The following PPARGC1A variants were observed in gnomAD, a reference collection of about 807,000 sequenced individuals.
PPARGC1A encodes peroxisome proliferator-activated receptor gamma coactivator 1-alpha.
In PPARGC1A, 25 loss-of-function variants were observed where a neutral mutation model predicts 88.7. The ratio of observed to expected loss-of-function variants is 0.28; its 90% CI spans 0.21 to 0.39. PPARGC1A has a LOEUF of 0.39. PPARGC1A is among the 10% of genes least tolerant of loss of function. The pLI is 1.00. For missense variants in PPARGC1A, 880 were observed against 968.7 expected (o/e 0.91, Z 1.22); for synonymous variants, 363 against 355.6 (o/e 1.02, Z -0.24).
the PPARGC1A span, among the ~76,000 whole-genome samples, chr4:24,318,147 T>C: frequency 2.0e-5 from 3 of 152,168 alleles, no homozygotes; most frequent in African/African-American, 4.8e-5. Flanking sequence ...ATTTGTCAAA[T>C]GAAGTACAGT....
chr4:24,202,810 T>A, the PPARGC1A span, among the ~76,000 whole-genome samples: 1 of 152,130 alleles, frequency 6.6e-6, no homozygotes, highest in Non-Finnish European at 1.5e-5. Context: ...CCTGGCAACA[T>A]GAACTCTCCT....
chr4:23,858,307 C>T (rs1020353826), intron 2 of PPARGC1A, among the ~76,000 whole-genome samples: 4 of 152,128 alleles, frequency 2.6e-5, no homozygotes, highest in African/African-American at 9.7e-5. Context: ...CCCTGGTTCA[C>T]TACTATATTC....
the PPARGC1A span, among the ~76,000 whole-genome samples, chr4:23,936,991 T>G: frequency 6.6e-6 from 1 of 151,916 alleles, no homozygotes; most frequent in Non-Finnish European, 1.5e-5. Flanking sequence ...TTCTAGAAAA[T>G]GCTCAGAAAT....
chr4:24,347,710 T>A, the PPARGC1A span, among the ~76,000 whole-genome samples: 17 of 152,336 alleles, frequency 1.1e-4, no homozygotes, highest in Non-Finnish European at 1.9e-4. Flanking sequence ...TTACCCATCC[T>A]GCAGTTCTGT....
At chr4:24,255,405 T>G in the PPARGC1A span, among the ~76,000 whole-genome samples, 1 of 152,198 alleles carries the variant, frequency 6.6e-6, no homozygotes, top group Non-Finnish European at 1.5e-5. Context: ...CTCCCTATAT[T>G]CTGAAATAGG....
the PPARGC1A span, among the ~76,000 whole-genome samples, chr4:24,466,906 A>AGGAAGGAAGGAAG: frequency 6.9e-6 from 1 of 145,328 alleles, no homozygotes; most frequent in African/African-American, 2.5e-5. Context: ...AAAAAGAGGA[A>AGGAAGGAAGGAAG]GGAAGGAAGG....
At chr4:24,453,896 G>C in the PPARGC1A span, among the ~76,000 whole-genome samples, 1 of 151,676 alleles carries the variant, frequency 6.6e-6, no homozygotes, top group Non-Finnish European at 1.5e-5. Flanking sequence ...CCAATCAAAA[G>C]GTAGTGTCTA....
At chr4:24,450,836 A>T in the PPARGC1A span, among the ~76,000 whole-genome samples, 1 of 152,170 alleles carries the variant, frequency 6.6e-6, no homozygotes, top group Non-Finnish European at 1.5e-5. Flanking sequence ...GCCTTTATAC[A>T]TGTTTTCAAG....
intron 3 of PPARGC1A, among the ~76,000 whole-genome samples, chr4:23,829,848 A>T (rs569602367): frequency 6.6e-6 from 1 of 152,334 alleles, no homozygotes; most frequent in East Asian, 1.9e-4. Context: ...GCATAAGAAC[A>T]AAAATGCAAA....
At chr4:24,035,099 A>G in the PPARGC1A span, among the ~76,000 whole-genome samples, 4 of 152,220 alleles carry the variant, frequency 2.6e-5, no homozygotes, top group African/African-American at 4.8e-5. Flanking sequence ...AGAGCAATAC[A>G]TGATATCCGG....
At chr4:23,825,861 T>G (rs1051412800) in intron 5 of PPARGC1A, among the ~76,000 whole-genome samples, 1 of 152,170 alleles carries the variant, frequency 6.6e-6, no homozygotes, top group Non-Finnish European at 1.5e-5. Flanking sequence ...ACATTAATTT[T>G]TGAGTATGTC....
chr4:24,309,119 G>C, the PPARGC1A span, among the ~76,000 whole-genome samples: 1 of 150,536 alleles, frequency 6.6e-6, no homozygotes, highest in South Asian at 2.2e-4. Context: ...CTTTTCACAA[G>C]GTTCATATTT....
chr4:24,203,327 T>G, the PPARGC1A span, among the ~76,000 whole-genome samples: 1 of 152,068 alleles, frequency 6.6e-6, no homozygotes, highest in Non-Finnish European at 1.5e-5. Context: ...TCACTTGAGG[T>G]CAGGAGTTCG....
chr4:24,428,478 A>C, the PPARGC1A span, among the ~76,000 whole-genome samples: 1 of 152,250 alleles, frequency 6.6e-6, no homozygotes, highest in East Asian at 1.9e-4. Context: ...TCTTCAAAAC[A>C]ATCCTGTAGG....
chr4:24,347,561 A>G, the PPARGC1A span, among the ~76,000 whole-genome samples: 1 of 152,158 alleles, frequency 6.6e-6, no homozygotes. Flanking sequence ...TTTGTTTGAT[A>G]TAAGAATAGC....
chr4:24,333,258 A>AT, the PPARGC1A span, among the ~76,000 whole-genome samples: 3 of 152,130 alleles, frequency 2.0e-5, no homozygotes, highest in South Asian at 6.2e-4. Context: ...GAAAAAAAAA[A>AT]GTGTAATAGG....
At chr4:24,151,886 T>C in the PPARGC1A span, among the ~76,000 whole-genome samples, 2 of 152,148 alleles carry the variant, frequency 1.3e-5, no homozygotes, top group Admixed American at 1.3e-4. Context: ...AAATAAATAA[T>C]TGAATAGTAG....
chr4:24,167,181 T>G, the PPARGC1A span, among the ~76,000 whole-genome samples: 1 of 152,146 alleles, frequency 6.6e-6, no homozygotes, highest in East Asian at 1.9e-4. Context: ...TAGATGACTT[T>G]GAGGGGTCCA....
At chr4:23,895,126 C>A (rs1577685337) in intron 1 of PPARGC1A, among the ~76,000 whole-genome samples, 3 of 122,718 alleles carry the variant, frequency 2.4e-5, no homozygotes, top group South Asian at 2.5e-4. Flanking sequence ...TAGTAAGTGC[C>A]AGGGAAAATT....
Sources: allele counts gnomAD v4.1 joint callset (sites outside exome capture counted in the v4.1 genomes callset), GRCh38; gene constraint gnomAD v4.1.1; transcripts MANE v1.5; gene names NCBI Gene and HGNC (gene_info 2026-07-23, HGNC 2026-07-21).